The following POLK variants were observed in gnomAD, a reference collection of about 807,000 sequenced individuals.
POLK encodes the protein DNA polymerase kappa, also known as polymerase (DNA directed) kappa.
Under a neutral mutation model 94.0 loss-of-function variants are expected in POLK, and 76 were observed. That is an observed-to-expected ratio of 0.81 (90% confidence interval 0.67 to 0.98). The LOEUF (loss-of-function observed/expected upper bound fraction) is 0.98, where lower values mean the gene tolerates loss of function less well. Among genes scored for constraint, POLK ranks in the 50% least tolerant of loss-of-function variants. The probability of loss-of-function intolerance (pLI) is 0.00; values close to 1 mark genes in which losing one functional copy is unlikely to be tolerated. For missense variants in POLK, 954 were observed against 1,010.1 expected (o/e 0.94, Z 0.75); for synonymous variants, 349 against 325.4 (o/e 1.07, Z -0.78).
At chr5:75,521,936 GC>G (rs964510099) in intron 1 of POLK, among the ~76,000 whole-genome samples, 4 of 152,190 alleles carry the variant, frequency 2.6e-5, no homozygotes, top group Non-Finnish European at 5.9e-5. Flanking sequence ...AGGGGTTTGT[GC>G]CCAGGGGACC....
intron 1 of POLK, among the ~76,000 whole-genome samples, chr5:75,521,590 G>A (rs994850088): frequency 6.6e-6 from 1 of 152,120 alleles, no homozygotes; most frequent in Non-Finnish European, 1.5e-5. Context: ...GTTAGGGTTA[G>A]TCACTGGTTC....
At chr5:75,598,971 A>G (rs926630254) in exon 15 of POLK, 1 of 152,108 alleles carries the variant, frequency 6.6e-6, no homozygotes, top group African/African-American at 2.4e-5. Flanking sequence ...GCCAGGCACA[A>G]TGGCTCACAC....
chr5:75,529,452 T>C (rs190663232), intron 1 of POLK, among the ~76,000 whole-genome samples: 1 of 152,020 alleles, frequency 6.6e-6, no homozygotes, highest in East Asian at 1.9e-4. Context: ...CATTTCAACA[T>C]GAGATTTGGA....
rs550822442 is a variant in POLK, at chr5:75,513,666, T to C, written c.-14+1752T>C. Among the ~76,000 whole-genome samples, 275 of 152,326 alleles carry C rather than the reference T, an allele frequency of 1.8e-3. 4 individuals carry two copies. The highest frequency in any genetic ancestry group is 2.9e-4 in the Non-Finnish European group (20 of 68,024). ...GAAAATGTATTCCCATATCTTTTAC[T>C]CCTATCTGTTTGGTTTATGGGATAA... On this transcript the variant is annotated intron_variant, in intron 1 of 14. Coordinates refer to ENST00000241436, the Ensembl canonical transcript of POLK.
intron 4 of POLK, among the ~76,000 whole-genome samples, chr5:75,571,396 C>G (rs959463263): frequency 1.1e-4 from 17 of 152,254 alleles, no homozygotes; most frequent in Admixed American, 3.9e-4. Context: ...TTACCTATTG[C>G]TGCATAACAG....
rs143624326 is a variant in POLK at position 75,551,485 on chromosome 5, A to G, written c.136-987A>G. Among the ~76,000 whole-genome samples, 456 of 152,308 alleles carry G rather than the reference A, an allele frequency of 3.0e-3. 3 individuals carry two copies. Among genetic ancestry groups the G allele is most frequent in the Non-Finnish European group, 4.1e-3 (278 of 68,036 alleles). On this transcript the variant is annotated intron_variant, in intron 2 of 14. Transcript: ENST00000241436. ...AACACATATGTGATAAAAGACTTAT[A>G]TCCAGAATATACAGAAAATGTCTAC...
intron 1 of POLK, among the ~76,000 whole-genome samples, chr5:75,535,756 G>T (rs745939693): frequency 1.2e-4 from 18 of 151,942 alleles, no homozygotes; most frequent in Non-Finnish European, 2.5e-4. Context: ...TTAATACTTG[G>T]GATTGCATTT....
chr5:75,536,668 C>T (rs1769460647), intron 1 of POLK, among the ~76,000 whole-genome samples: 2 of 152,080 alleles, frequency 1.3e-5, no homozygotes, highest in African/African-American at 4.8e-5. Context: ...TGCCTACCAG[C>T]TGAGTTGCCA....
intron 12 of POLK, 60 bp downstream of exon 12, chr5:75,594,109 A>G (rs1194007306): frequency 1.5e-6 from 2 of 1,318,482 alleles, no homozygotes; most frequent in Non-Finnish European, 2.1e-6. Context: ...CAAATAATCA[A>G]CTTTGGGAAT....
chr5:75,563,598 C>G (rs945422293), intron 3 of POLK, among the ~76,000 whole-genome samples: 1 of 152,146 alleles, frequency 6.6e-6, no homozygotes, highest in Non-Finnish European at 1.5e-5. Context: ...TACATTGTGT[C>G]TTTGTTCTCT....
At chr5:75,604,417 C>T (rs1317054380), downstream of POLK, among the ~76,000 whole-genome samples, 2 of 152,190 alleles carry the variant, frequency 1.3e-5, no homozygotes, top group African/African-American at 2.4e-5. Flanking sequence ...CTCACCGTCA[C>T]CCAGGCTGAA....
intron 3 of POLK, 100 bp downstream of exon 3, chr5:75,552,691 A>C: frequency 3.7e-4 from 403 of 1,080,742 alleles, no homozygotes; most frequent in Non-Finnish European, 5.0e-4. Context: ...TGAAATGTAA[A>C]TGTTCATTAT....
chr5:75,563,014 T>C (rs1771069661), intron 3 of POLK, among the ~76,000 whole-genome samples: 1 of 152,248 alleles, frequency 6.6e-6, no homozygotes, highest in Non-Finnish European at 1.5e-5. Context: ...ATCAGGATGA[T>C]GCTGGCCTCA....
intron 5 of POLK, among the ~76,000 whole-genome samples, chr5:75,574,173 A>C (rs1325609930): frequency 1.3e-5 from 2 of 152,130 alleles, no homozygotes; most frequent in African/African-American, 4.8e-5. Context: ...TTTTTTCTTA[A>C]TGTACAATAT....
At chr5:75,521,790 A>C (rs1768602657) in intron 1 of POLK, among the ~76,000 whole-genome samples, 1 of 149,818 alleles carries the variant, frequency 6.7e-6, no homozygotes, top group Non-Finnish European at 1.5e-5. Flanking sequence ...CTGCTAGGTC[A>C]CTCTGCCTCT....
At chr5:75,530,406 T>C (rs909485842) in intron 1 of POLK, among the ~76,000 whole-genome samples, 5 of 111,398 alleles carry the variant, frequency 4.5e-5, no homozygotes, top group African/African-American at 6.7e-5. Flanking sequence ...CTTTTTTTTT[T>C]TTTTTTTTTT....
chr5:75,516,739 T>G (rs1302150468), intron 1 of POLK, among the ~76,000 whole-genome samples: 1 of 152,232 alleles, frequency 6.6e-6, no homozygotes, highest in Non-Finnish European at 1.5e-5. Flanking sequence ...TACATTTTTC[T>G]AGTAGTTTCA....
chr5:75,592,072 A>G (rs190241569), intron 11 of POLK, among the ~76,000 whole-genome samples: 3 of 152,356 alleles, frequency 2.0e-5, no homozygotes, highest in African/African-American at 7.2e-5. Flanking sequence ...ACTAAAATAT[A>G]CATAACATAA....
At chr5:75,595,248 GAAAAAAAAAAAAA>G (rs58783164) in intron 12 of POLK, among the ~76,000 whole-genome samples, 1 of 24,880 alleles carries the variant, frequency 4.0e-5, no homozygotes, top group African/African-American at 1.1e-4. Context: ...CTCCACCTCA[GAAAAAAAAAAAAA>G]AAAAAAAAAA....
Sources: gnomAD v4.1 joint callset for allele counts (sites outside exome capture counted in the v4.1 genomes callset) on GRCh38, gnomAD v4.1.1 for gene constraint, MANE v1.5 for transcripts, NCBI Gene and HGNC (gene_info 2026-07-23, HGNC 2026-07-21) for gene names.